DNAH12: variants seen among roughly 807,000 people sequenced by gnomAD.
DNAH12 encodes the protein axonemal beta dynein heavy chain 12.
DNAH12 carries 285 observed loss-of-function variants against 371.5 expected under a neutral mutation model. That is an observed-to-expected ratio of 0.77 (90% CI 0.70 to 0.85). The LOEUF (loss-of-function observed/expected upper bound fraction) is 0.85, where lower values mean the gene tolerates loss of function less well. Among genes scored for constraint, DNAH12 ranks in the 40% least tolerant of loss-of-function variants. The pLI is 0.00. For synonymous variants in DNAH12, 1,200 were observed against 1,213.0 expected, an observed-to-expected ratio of 0.99 and a Z score of 0.22; for missense variants, 3,611 against 3,689.4, an observed-to-expected ratio of 0.98 and a Z score of 0.55.
In DNAH12 at chr3:57,324,376, T is replaced by C. The variant is rs564916655; in HGVS notation, c.9979-757A>G. ...TAGATACCATTTTTAACCTATTGAA[T>C]TGTTATATAAATCAGCCAAAGATGG... On this transcript the variant is annotated intron_variant, in intron 62 of 73. Coordinates refer to ENST00000495027, the MANE Select transcript of DNAH12 (RefSeq NM_001366028.2). Among the ~76,000 whole-genome samples, 13 of 152,340 alleles carry C rather than the reference T, an allele frequency of 8.5e-5. No individual in the cohort carries two copies. The East Asian group carries it at 1.5e-3, about 18-fold the overall frequency.
chr3:57,424,981 ATTT>A, intron 35 of DNAH12, 38 bp downstream of exon 35: 1 of 684,116 alleles, frequency 1.5e-6, no homozygotes, highest in Non-Finnish European at 2.6e-6. Context: ...CAGAAGCATA[ATTT>A]ATTTATAATT....
chr3:57,372,189 C>T (rs1359151050), intron 55 of DNAH12, among the ~76,000 whole-genome samples: 1 of 151,926 alleles, frequency 6.6e-6, no homozygotes, highest in African/African-American at 2.4e-5. Flanking sequence ...ACCCCATTAT[C>T]CTGATTTGAT....
chr3:57,459,338 T>C (rs2065988836), intron 20 of DNAH12, among the ~76,000 whole-genome samples: 1 of 152,182 alleles, frequency 6.6e-6, no homozygotes, highest in African/African-American at 2.4e-5. Context: ...GTGTTTATAG[T>C]AGAAGGCATG....
intron 57 of DNAH12, among the ~76,000 whole-genome samples, chr3:57,364,028 T>C (rs936418657): frequency 6.6e-6 from 1 of 152,152 alleles, no homozygotes; most frequent in Non-Finnish European, 1.5e-5. Context: ...ATTAGACTTA[T>C]CCATATGGCA....
Position 57,453,412 on chromosome 3 carries a change from T to TA in DNAH12, c.3457-10dup, listed in dbSNP as rs367839282. 4,021 of 1,352,874 alleles carry TA rather than the reference T, an allele frequency of 3.0e-3. 3 individuals carry two copies. The highest frequency in any genetic ancestry group is 0.011 in the African/African-American group (701 of 65,394). The allele number at this position is 1,352,874 out of a possible 1,614,324, so 83.8% of individuals were successfully genotyped here. ...TAATACTTCTTTAATCCCTACAAAA[T>TA]AAAAAAAAAAGCAATCTAATTGATG... is the stretch of plus-strand genomic sequence containing the variant. On this transcript the variant is annotated splice_polypyrimidine_tract_variant and intron_variant, in intron 23 of 73. Transcript: ENST00000495027.
At position 57,461,513 on chromosome 3, in the gene DNAH12, G is replaced by A; in HGVS notation, c.2712C>T (p.Ile904=). The A allele has an allele frequency of 6.4e-7, 1 of 1,551,302 alleles. No homozygotes were observed. The highest frequency in any genetic ancestry group is 8.7e-7 in the Non-Finnish European group (1 of 1,146,812). The change falls in exon 19 of 74, where the codon ATC becomes ATT. Residue 904 remains isoleucine, a synonymous_variant. Coordinates refer to ENST00000495027, the MANE Select transcript of DNAH12 (RefSeq NM_001366028.2). ...KTQTMRGSPF[I]KPFEHEIKAW... is the part of the protein sequence containing the mutation. ...CCTTGATCTCATGTTCAAATGGTTTGATGAAAGGTGAGCCTCTCATTGTCT... is the reference window on the plus strand; with the variant it reads ...CCTTGATCTCATGTTCAAATGGTTTAATGAAAGGTGAGCCTCTCATTGTCT...
chr3:57,461,288 G>A (rs1465865750), intron 19 of DNAH12, among the ~76,000 whole-genome samples: 1 of 151,978 alleles, frequency 6.6e-6, no homozygotes, highest in Non-Finnish European at 1.5e-5. Flanking sequence ...AATCATTTAT[G>A]TCTCAGATGT....
intron 43 of DNAH12, among the ~76,000 whole-genome samples, chr3:57,400,097 T>G (rs1244916260): frequency 6.6e-6 from 1 of 152,088 alleles, no homozygotes; most frequent in Non-Finnish European, 1.5e-5. Flanking sequence ...AAGACCAGAC[T>G]GGCCAAATGG....
chr3:57,395,108 ATTATCTATGCTCTGGAAAGTTTTTCAAG>A lies in DNAH12; in HGVS notation c.6949-804_6949-777del, dbSNP rs1451993927. ...TCATCTCCTATTTTATTATGTTACT[ATTATCTATGCTCTGGAAAGTTTTTCAAG>A]TTATTGTATCAATATAGTAAAATAC... On this transcript the variant is annotated intron_variant, in intron 43 of 73. Coordinates refer to ENST00000495027, the MANE Select transcript of DNAH12 (RefSeq NM_001366028.2). Among the ~76,000 whole-genome samples, 328 of 152,308 alleles carry A rather than the reference ATTATCTATGCTCTGGAAAGTTTTTCAAG, an allele frequency of 2.2e-3. 1 individual carries two copies. Among genetic ancestry groups the A allele is most frequent in the Admixed American group, 3.5e-3 (53 of 15,302 alleles).
At chr3:57,411,069 T>C (rs1456546210) in intron 39 of DNAH12, among the ~76,000 whole-genome samples, 3 of 152,022 alleles carry the variant, frequency 2.0e-5, no homozygotes, top group Admixed American at 6.6e-5. Context: ...AATGAAACTA[T>C]CCTTGTTTGC....
intron 11 of DNAH12, among the ~76,000 whole-genome samples, chr3:57,496,617 A>G (rs530448450): frequency 6.6e-6 from 1 of 152,298 alleles, no homozygotes; most frequent in East Asian, 1.9e-4. Flanking sequence ...CACAGCAAGG[A>G]TGCCCTATGT....
intron 55 of DNAH12, among the ~76,000 whole-genome samples, chr3:57,372,312 C>T (rs1216248006): frequency 6.6e-6 from 1 of 151,814 alleles, no homozygotes; most frequent in African/African-American, 2.4e-5. Flanking sequence ...AAGAAAAAAG[C>T]TGAATTCACT....
chr3:57,393,319 T>C (rs1676562723), intron 44 of DNAH12, among the ~76,000 whole-genome samples: 1 of 152,076 alleles, frequency 6.6e-6, no homozygotes, highest in Non-Finnish European at 1.5e-5. Context: ...GTGACATTAC[T>C]TTCATCTTAG....
intron 29 of DNAH12, among the ~76,000 whole-genome samples, chr3:57,438,188 G>A (rs1396050246): frequency 6.6e-6 from 1 of 152,116 alleles, no homozygotes; most frequent in Non-Finnish European, 1.5e-5. Flanking sequence ...GCGGGCACCT[G>A]TAATCCCAGT....
At chr3:57,516,840 T>A (rs933446399) in intron 4 of DNAH12, among the ~76,000 whole-genome samples, 1 of 152,204 alleles carries the variant, frequency 6.6e-6, no homozygotes, top group Non-Finnish European at 1.5e-5. Context: ...GTTATCCCCA[T>A]GGGTAGAATC....
chr3:57,355,920 T>C (rs950367676), intron 59 of DNAH12, among the ~76,000 whole-genome samples: 12 of 152,340 alleles, frequency 7.9e-5, no homozygotes, highest in African/African-American at 2.4e-4. Context: ...ATAAACACTT[T>C]ACAAAAATTA....
chr3:57,522,859 A>G (rs2068501266), intron 4 of DNAH12, among the ~76,000 whole-genome samples: 1 of 151,124 alleles, frequency 6.6e-6, no homozygotes, highest in Non-Finnish European at 1.5e-5. Flanking sequence ...TTTAATCTCT[A>G]GCACCTAGCA....
intron 44 of DNAH12, among the ~76,000 whole-genome samples, chr3:57,393,432 C>T (rs1223647580): frequency 6.6e-6 from 1 of 151,772 alleles, no homozygotes; most frequent in African/African-American, 2.4e-5. Flanking sequence ...TTGAGACCAT[C>T]GTGGCTAACA....
intron 55 of DNAH12, among the ~76,000 whole-genome samples, chr3:57,374,201 T>C (rs2063234696): frequency 6.6e-6 from 1 of 152,196 alleles, no homozygotes; most frequent in East Asian, 1.9e-4. Flanking sequence ...TTTACTAATT[T>C]AAAATTACTA....
Sources: allele counts gnomAD v4.1 joint callset (sites outside exome capture counted in the v4.1 genomes callset), GRCh38; gene constraint gnomAD v4.1.1; transcripts MANE v1.5; gene names NCBI Gene and HGNC (gene_info 2026-07-23, HGNC 2026-07-21).